Variants in CDH2 observed in about 807,000 individuals in gnomAD.
CDH2 encodes the protein cadherin 2, also known as cadherin-2.
CDH2 carries 17 observed loss-of-function variants against 92.0 expected under a neutral mutation model. The observed-to-expected ratio is 0.18, with a 90% confidence interval of 0.13 to 0.28. The LOEUF (loss-of-function observed/expected upper bound fraction) is 0.28, where lower values mean the gene tolerates loss of function less well. CDH2 is among the 10% of genes least tolerant of loss of function. The pLI is 1.00. For missense variants in CDH2, 862 were observed against 1,133.1 expected (o/e 0.76, Z 3.44); for synonymous variants, 419 against 415.9 (o/e 1.01, Z -0.09).
chr18:28,061,514 A>C (rs978760623), intron 2 of CDH2, among the ~76,000 whole-genome samples: 3 of 152,162 alleles, frequency 2.0e-5, no homozygotes, highest in African/African-American at 4.8e-5. Context: ...GCGTGGTGGC[A>C]TGTGCCTATA....
At chr18:27,998,601 G>A (rs2012663651) in intron 7 of CDH2, among the ~76,000 whole-genome samples, 1 of 152,122 alleles carries the variant, frequency 6.6e-6, no homozygotes, top group Non-Finnish European at 1.5e-5. Flanking sequence ...CAAGGAAGGA[G>A]TGGAAGTATT....
At chr18:27,991,000 C>A (rs1009829473) in intron 9 of CDH2, among the ~76,000 whole-genome samples, 15 of 152,068 alleles carry the variant, frequency 9.9e-5, no homozygotes, top group Non-Finnish European at 1.6e-4. Context: ...TGGAATATTT[C>A]TGGATATTTT....
At chr18:28,025,881 T>C (rs531472815) in intron 2 of CDH2, among the ~76,000 whole-genome samples, 69 of 152,312 alleles carry the variant, frequency 4.5e-4, no homozygotes, top group Admixed American at 1.7e-3. Context: ...AATTTTTATA[T>C]ATTTTATTGT....
intron 2 of CDH2, among the ~76,000 whole-genome samples, chr18:28,037,282 C>T (rs750550532): frequency 9.9e-5 from 15 of 152,234 alleles, no homozygotes; most frequent in South Asian, 2.1e-4. Context: ...TGGGTAGATA[C>T]AAGATTCCCA....
At chr18:27,991,813 C>A (rs767735577) in intron 9 of CDH2, among the ~76,000 whole-genome samples, 1 of 152,142 alleles carries the variant, frequency 6.6e-6, no homozygotes, top group Non-Finnish European at 1.5e-5. Flanking sequence ...GGCACTTTAG[C>A]ACATCTTTCT....
chr18:27,998,308 T>C (rs1567956796), intron 7 of CDH2, among the ~76,000 whole-genome samples: 2 of 152,240 alleles, frequency 1.3e-5, no homozygotes, highest in South Asian at 2.1e-4. Flanking sequence ...CTATGCACTA[T>C]GCATTATTTC....
intron 2 of CDH2, among the ~76,000 whole-genome samples, chr18:28,038,333 G>A (rs910581362): frequency 7.9e-5 from 12 of 152,018 alleles, no homozygotes; most frequent in Admixed American, 7.2e-4. Context: ...TGAAGTGGGA[G>A]GATTCCTTTA....
intron 2 of CDH2, among the ~76,000 whole-genome samples, chr18:28,110,158 C>G (rs879470118): frequency 5.9e-5 from 9 of 152,212 alleles, no homozygotes; most frequent in Non-Finnish European, 1.0e-4. Context: ...TCATGCTGTA[C>G]TAATTACATA....
chr18:28,092,332 C>T (rs2015051193), intron 2 of CDH2, among the ~76,000 whole-genome samples: 1 of 152,064 alleles, frequency 6.6e-6, no homozygotes, highest in Non-Finnish European at 1.5e-5. Flanking sequence ...ATACAGGTCT[C>T]ACCTTAGCCT....
chr18:28,079,051 C>T (rs2014779026), intron 2 of CDH2, among the ~76,000 whole-genome samples: 1 of 152,154 alleles, frequency 6.6e-6, no homozygotes, highest in Non-Finnish European at 1.5e-5. Context: ...TAACTCTGTA[C>T]CTAGCAACTT....
Position 28,078,678 on chromosome 18 carries a change from T to C in CDH2, c.173-64769A>G, listed in dbSNP as rs554193144. ...AAGCACCCAGGCATTTGTACATTGA[T>C]TTTTTTTTTTTTTGCATGAAATACC... is the stretch of plus-strand genomic sequence containing the variant. On this transcript the variant is annotated intron_variant, in intron 2 of 15. Transcript: ENST00000269141. Among the ~76,000 whole-genome samples, 47 of 75,988 alleles carry C rather than the reference T, an allele frequency of 6.2e-4. 1 individual carries two copies. Among genetic ancestry groups the C allele is most frequent in the Middle Eastern group, 6.8e-3 (1 of 146 alleles). 49.9% of individuals were successfully genotyped at this position (75,988 alleles called of 152,430 possible).
At position 28,113,415 on chromosome 18, in the gene CDH2, CT is replaced by C. The variant is rs367691337; in HGVS notation, c.172+34257del. Reference sequence around the variant, plus strand: ...CATATTGAACAGAACATTTAAATACCTACATAGTTAATCATCTGGAATGCAG... The same window carrying C: ...CATATTGAACAGAACATTTAAATACCACATAGTTAATCATCTGGAATGCAG... On this transcript the variant is annotated intron_variant, in intron 2 of 15. Transcript: ENST00000269141. Among the ~76,000 whole-genome samples the C allele has an allele frequency of 3.4e-4, 51 of 149,924 alleles. No homozygotes were observed. The South Asian group carries it at 0.01, about 30-fold the overall frequency.
At chr18:28,123,519 A>G (rs763364555) in intron 2 of CDH2, among the ~76,000 whole-genome samples, 24 of 152,176 alleles carry the variant, frequency 1.6e-4, no homozygotes, top group Non-Finnish European at 3.1e-4. Context: ...TACTAGAGAG[A>G]GGATAGGTTT....
intron 2 of CDH2, among the ~76,000 whole-genome samples, chr18:28,114,782 T>C (rs548246793): frequency 6.6e-6 from 1 of 152,088 alleles, no homozygotes; most frequent in South Asian, 2.1e-4. Flanking sequence ...CTGTTATTAA[T>C]ATGCCATGAC....
In CDH2 at chr18:28,169,884, T is replaced by G. The variant is rs17536926; in HGVS notation, c.60+7079A>C. Reference sequence around the variant, plus strand: ...CAAGGCAGTGGGTACACTAGAACTCTCATTCATATACTAAATGTTCTTCTG... The same window carrying G: ...CAAGGCAGTGGGTACACTAGAACTCGCATTCATATACTAAATGTTCTTCTG... On this transcript the variant is annotated intron_variant, in intron 1 of 15. Transcript: ENST00000269141. 4.2e-3 allele frequency among the ~76,000 whole-genome samples: 638 copies of G among 152,358 alleles called. 4 individuals are homozygous for G. The highest frequency in any genetic ancestry group is 0.015 in the African/African-American group (606 of 41,578).
At chr18:28,144,718 A>C (rs1339878728) in intron 2 of CDH2, among the ~76,000 whole-genome samples, 3 of 152,118 alleles carry the variant, frequency 2.0e-5, no homozygotes, top group Non-Finnish European at 4.4e-5. Context: ...AGGCCTATAT[A>C]GCCATTTTTT....
chr18:28,153,801 C>A (rs1258664379), intron 1 of CDH2, among the ~76,000 whole-genome samples: 2 of 152,198 alleles, frequency 1.3e-5, no homozygotes, highest in Non-Finnish European at 2.9e-5. Context: ...CATGGTTATT[C>A]AATGTCTTAG....
intron 2 of CDH2, among the ~76,000 whole-genome samples, chr18:28,097,997 C>T (rs946570951): frequency 4.6e-5 from 7 of 152,056 alleles, no homozygotes; most frequent in African/African-American, 1.7e-4. Context: ...ATTTGTATAT[C>T]CTGTGTCCCA....
intron 2 of CDH2, among the ~76,000 whole-genome samples, chr18:28,116,812 C>T (rs578092821): frequency 6.6e-6 from 1 of 152,198 alleles, no homozygotes; most frequent in South Asian, 2.1e-4. Context: ...GATACCGGTG[C>T]TACCTGAAAG....
Sources: allele counts gnomAD v4.1 joint callset (sites outside exome capture counted in the v4.1 genomes callset), GRCh38; gene constraint gnomAD v4.1.1; transcripts MANE v1.5; gene names NCBI Gene and HGNC (gene_info 2026-07-23, HGNC 2026-07-21).